Variants in ACTN4 observed in about 807,000 individuals in gnomAD.
The protein encoded by ACTN4 is alpha-actinin-4.
A neutral mutation model predicts 114.2 loss-of-function variants in ACTN4; 18 were observed. The ratio of observed to expected loss-of-function variants is 0.16; its 90% confidence interval spans 0.11 to 0.23. The LOEUF (loss-of-function observed/expected upper bound fraction) is 0.23, where lower values mean the gene tolerates loss of function less well. Among genes scored for constraint, ACTN4 ranks in the 10% least tolerant of loss-of-function variants. ACTN4 has a pLI of 1.00. For missense variants in ACTN4, 722 were observed against 1,262.9 expected (o/e 0.57, Z 6.49); for synonymous variants, 515 against 506.3 (o/e 1.02, Z -0.23).
chr19:38,701,183 C>G (rs1968263683), intron 3 of ACTN4, 62 bp downstream of exon 3: 1 of 1,608,830 alleles, frequency 6.2e-7, no homozygotes. Context: ...CTCTGAAGCA[C>G]AACATCTGCA....
chr19:38,721,381 C>T (rs986844340), intron 11 of ACTN4, among the ~76,000 whole-genome samples, 157 bp from the exon 12 acceptor site: 5 of 152,162 alleles, frequency 3.3e-5, no homozygotes, highest in Admixed American at 6.5e-5. Context: ...CTGGAGGGTA[C>T]GGAAGAAGAT....
chr19:38,686,417 GT>G (rs1967744370), intron 1 of ACTN4, among the ~76,000 whole-genome samples: 1 of 138,926 alleles, frequency 7.2e-6, no homozygotes, highest in East Asian at 2.1e-4. Flanking sequence ...AGCATTGAAA[GT>G]AAATGGGGTG....
intron 11 of ACTN4, among the ~76,000 whole-genome samples, chr19:38,719,354 C>T (rs1488731475): frequency 6.6e-6 from 1 of 152,254 alleles, no homozygotes; most frequent in African/African-American, 2.4e-5. Context: ...CCCCTCCCCA[C>T]CCTGGCCCGC....
At position 38,647,968 on chromosome 19, in the gene ACTN4, T is replaced by C. The variant is rs2303040; in HGVS notation, c.162+61T>C. On this transcript the variant is annotated intron_variant, in intron 1 of 20. Transcript: ENST00000252699. ...TTTTCTGAGGGGGCCCGGGGAGGGG[T>C]GGGAGGTCCTGAAAGGTAACTGGAG... The C allele has an allele frequency of 0.52, 605,364 of 1,171,018 alleles. 151,168 individuals are homozygous for C. Among genetic ancestry groups the C allele is most frequent in the East Asian group, 0.58 (15,628 of 26,982 alleles). 72.5% of individuals were successfully genotyped at this position (1,171,018 alleles called of 1,614,324 possible). A position where few individuals can be genotyped will look rare whatever the true frequency, so the allele number is the denominator to read the frequency against.
At chr19:38,700,918 ACT>A (rs2144993268) in intron 2 of ACTN4, 82 bp from the exon 3 acceptor site, 1 of 1,563,358 alleles carries the variant, frequency 6.4e-7, no homozygotes, top group Non-Finnish European at 8.7e-7. Flanking sequence ...AACAGAGGAG[ACT>A]CTAAAGCCTC....
rs758778538 is a variant in ACTN4 at position 38,725,734 on chromosome 19, G to A, written c.2021G>A (p.Arg674His). 20 of 1,613,704 alleles carry A rather than the reference G, an allele frequency of 1.2e-5. No homozygotes were observed. The highest frequency in any genetic ancestry group is 2.2e-5 in the East Asian group (1 of 44,890). The change falls in exon 17 of 21, where the codon CGC becomes CAC. Residue 674 changes from arginine (R) to histidine (H), a missense_variant. Physicochemically the swap from Arg to His is conservative, Grantham distance 29. This residue lies in a region of ACTN4 where 523 missense variants were observed against 875.9 expected (regional missense o/e 0.60). Coordinates refer to ENST00000252699, the MANE Select transcript of ACTN4 (RefSeq NM_004924.6). ...CACCCACCCCCGTAGGAGATCGGGC[G>A]CATCTCCATTGAGATGAACGGGACC... ...WIQTKMEEIG[R>H]ISIEMNGTLE...
In ACTN4 at chr19:38,647,822, G is replaced by A. The variant is rs1483429816; in HGVS notation, c.77G>A (p.Gly26Asp). 2 of 1,551,626 alleles carry A rather than the reference G, an allele frequency of 1.3e-6. No individual in the cohort carries two copies. The highest frequency in any genetic ancestry group is 1.4e-5 in the African/African-American group (1 of 71,698). The change falls in exon 1 of 21, where the codon GGC (glycine) becomes GAC (aspartate). Residue 26 changes from glycine to aspartate, a missense_variant. Coordinates refer to ENST00000252699, the MANE Select transcript of ACTN4 (RefSeq NM_004924.6). Reference protein sequence around the residue: ...SSAGNGAGGGGSMGDYMAQED... With the variant: ...SSAGNGAGGGDSMGDYMAQED... ...GCGGGCAATGGCGCTGGCGGCGGGG[G>A]CAGCATGGGCGACTACATGGCCCAG... is the stretch of plus-strand genomic sequence containing the variant.
At chr19:38,710,554 G>A (rs1968612414) in intron 8 of ACTN4, among the ~76,000 whole-genome samples, 1 of 152,236 alleles carries the variant, frequency 6.6e-6, no homozygotes, top group Admixed American at 6.5e-5. Flanking sequence ...TCCAGGCATT[G>A]AGGATGCCCT....
chr19:38,728,160 A>G (rs946970950), intron 19 of ACTN4, 134 bp downstream of exon 19: 8 of 1,315,048 alleles, frequency 6.1e-6, no homozygotes, highest in Admixed American at 2.0e-5. Flanking sequence ...CTCCCTGCCC[A>G]CATCTCCCTG....
At chr19:38,673,516 T>TATA in intron 1 of ACTN4, among the ~76,000 whole-genome samples, 1 of 83,334 alleles carries the variant, frequency 1.2e-5, no homozygotes, top group Admixed American at 1.4e-4. Context: ...TGAATATATA[T>TATA]TTATATATAT....
At position 38,730,579 on chromosome 19, in the gene ACTN4, C is replaced by G. The variant is rs111970087; in HGVS notation, c.*1147C>G. ...TATTTCTCCTGTGTCTGTCCTCCAC[C>G]TTCTAGGAGAGCCAGGGCAGAGCTA... On this transcript the variant is annotated 3_prime_UTR_variant, in exon 21 of 21. Transcript: ENST00000252699. 7 of 552,904 alleles carry G rather than the reference C, an allele frequency of 1.3e-5. No individual in the cohort carries two copies. The highest frequency in any genetic ancestry group is 7.5e-5 in the African/African-American group (4 of 53,352). 34.2% of individuals were successfully genotyped at this position (552,904 alleles called of 1,614,324 possible).
At position 38,731,533 on chromosome 19, in the gene ACTN4, C is replaced by T. The variant is rs1969612071; in HGVS notation, c.*2101C>T. 6.9e-6 allele frequency: 3 copies of T among 436,500 alleles called. No homozygotes were observed. The East Asian group carries it at 1.3e-4, about 18-fold the overall frequency. The allele number at this position is 436,500 out of a possible 1,614,324, so 27.0% of individuals were successfully genotyped here. A position where few individuals can be genotyped will look rare whatever the true frequency, so the allele number is the denominator to read the frequency against. On this transcript the variant is annotated 3_prime_UTR_variant, in exon 21 of 21. Coordinates refer to ENST00000252699, the MANE Select transcript of ACTN4 (RefSeq NM_004924.6). ...AAATCCTGTGGGGCTTTCTCCTTGC[C>T]AGTGGGCACTGGAGGATATTTCTGT...
intron 3 of ACTN4, among the ~76,000 whole-genome samples, chr19:38,703,348 C>T (rs1389791156): frequency 6.6e-6 from 1 of 151,348 alleles, no homozygotes; most frequent in Non-Finnish European, 1.5e-5. Flanking sequence ...AAGCAATTCT[C>T]CTGCCTCAGC....
chr19:38,660,549 C>T lies in ACTN4; in HGVS notation c.162+12642C>T, dbSNP rs552146376. Among the ~76,000 whole-genome samples the T allele has an allele frequency of 1.1e-4, 16 of 152,232 alleles. No individual in the cohort carries two copies. The South Asian group carries it at 3.3e-3, about 32-fold the overall frequency. ...TAGCTGGGATTACAGGCACGTGCCA[C>T]CATGCCTGGCTAATTTTTGTATTTT... On this transcript the variant is annotated intron_variant, in intron 1 of 20. Transcript: ENST00000252699.
In ACTN4 at chr19:38,729,527, C is replaced by G. The variant is rs1283999600; in HGVS notation, c.*95C>G. Reference sequence around the variant, plus strand: ...TCCTCCACTCTGTATCTATGCAAAGCACTCTCTGCAGTCCTCCGGGGTGGG... The same window carrying G: ...TCCTCCACTCTGTATCTATGCAAAGGACTCTCTGCAGTCCTCCGGGGTGGG... On this transcript the variant is annotated 3_prime_UTR_variant, in exon 21 of 21. Coordinates refer to ENST00000252699, the MANE Select transcript of ACTN4 (RefSeq NM_004924.6). 17 of 875,608 alleles carry G rather than the reference C, an allele frequency of 1.9e-5. No individual in the cohort carries two copies. Among genetic ancestry groups the G allele is most frequent in the Non-Finnish European group, 2.8e-5 (17 of 603,764 alleles). 54.2% of individuals were successfully genotyped at this position (875,608 alleles called of 1,614,324 possible). A position where few individuals can be genotyped will look rare whatever the true frequency, so the allele number is the denominator to read the frequency against.
At position 38,727,379 on chromosome 19, in the gene ACTN4, A is replaced by G. The variant is rs891128465; in HGVS notation, c.2337+276A>G. On this transcript the variant is annotated intron_variant, in intron 18 of 20. Coordinates refer to ENST00000252699, the MANE Select transcript of ACTN4 (RefSeq NM_004924.6). The surrounding 1 kb of genome is among the most constrained non-coding windows in gnomAD (Gnocchi z 5.4). ...CCACCCCCAGGGCAGATGAAGTCTCAGCACACCCAGGCTTTGCGACCCGGT... is the reference window on the plus strand; with the variant it reads ...CCACCCCCAGGGCAGATGAAGTCTCGGCACACCCAGGCTTTGCGACCCGGT... Among the ~76,000 whole-genome samples, 2 of 152,046 alleles carry G rather than the reference A, an allele frequency of 1.3e-5. No individual in the cohort carries two copies. The highest frequency in any genetic ancestry group is 4.8e-5 in the African/African-American group (2 of 41,402).
chr19:38,651,973 A>G (rs764470807), intron 1 of ACTN4, among the ~76,000 whole-genome samples: 9 of 152,038 alleles, frequency 5.9e-5, no homozygotes, highest in Non-Finnish European at 1.3e-4. Flanking sequence ...ACCCCAAGTG[A>G]TCCGCCTGCC....
chr19:38,686,873 C>T (rs1369444591), intron 1 of ACTN4, among the ~76,000 whole-genome samples: 1 of 152,160 alleles, frequency 6.6e-6, no homozygotes, highest in East Asian at 1.9e-4. Context: ...ATGGGAGCAG[C>T]TCCTACCCCG....
intron 1 of ACTN4, among the ~76,000 whole-genome samples, chr19:38,670,691 G>T (rs1187573244): frequency 6.6e-6 from 1 of 152,132 alleles, no homozygotes; most frequent in Non-Finnish European, 1.5e-5. Context: ...TTGGGAGGCT[G>T]AGGAGGGTGG....
Sources: allele counts gnomAD v4.1 joint callset (sites outside exome capture counted in the v4.1 genomes callset), GRCh38; gene constraint gnomAD v4.1.1; regional missense constraint gnomAD v4.1.1; non-coding constraint Gnocchi (gnomAD v3.1); transcripts MANE v1.5; gene names NCBI Gene and HGNC (gene_info 2026-07-23, HGNC 2026-07-21).